Variants in DPP4 observed in about 807,000 individuals in gnomAD.
The protein encoded by DPP4 is dipeptidyl peptidase 4.
In DPP4, 93 loss-of-function variants were observed where a neutral mutation model predicts 122.4. That is an observed-to-expected ratio of 0.76 (90% confidence interval 0.64 to 0.90). The LOEUF (loss-of-function observed/expected upper bound fraction) is 0.90, where lower values mean the gene tolerates loss of function less well. Among genes scored for constraint, DPP4 ranks in the 40% least tolerant of loss-of-function variants. DPP4 has a pLI of 0.00. For synonymous variants in DPP4, 321 were observed against 302.9 expected (o/e 1.06, Z -0.62); for missense variants, 914 against 907.3 (o/e 1.01, Z -0.09).
At position 161,993,068 on chromosome 2, in the gene DPP4, G is replaced by A. The variant is rs1332504851; in HGVS notation, c.*215C>T. 1.8e-5 allele frequency: 8 copies of A among 434,134 alleles called. No individual in the cohort carries two copies. Among genetic ancestry groups the A allele is most frequent in the Admixed American group, 1.4e-4 (4 of 28,304 alleles). The allele number at this position is 434,134 out of a possible 1,614,324, so 26.9% of individuals were successfully genotyped here. On this transcript the variant is annotated 3_prime_UTR_variant, in exon 26 of 26. Coordinates refer to ENST00000360534, the MANE Select transcript of DPP4 (RefSeq NM_001935.4). ...TGATTTTAAACAATAAAACCCGACC[G>A]GATAATTCAAACTTCTGTAAGGTAA...
chr2:162,020,317 T>TAAA, intron 13 of DPP4, 21 bp from the exon 14 acceptor site: 1 of 1,374,572 alleles, frequency 7.3e-7, no homozygotes, highest in South Asian at 1.3e-5. Flanking sequence ...TTTTTTTTTT[T>TAAA]CAAAAAAAAA....
chr2:162,015,007 G>A (rs1273492340), intron 18 of DPP4, among the ~76,000 whole-genome samples: 1 of 152,132 alleles, frequency 6.6e-6, no homozygotes, highest in Non-Finnish European at 1.5e-5. Context: ...TTTATATGGA[G>A]CAAACTGTTG....
rs1310953418 is a variant in DPP4 at position 161,993,138 on chromosome 2, T to C, written c.*145A>G. On this transcript the variant is annotated 3_prime_UTR_variant, in exon 26 of 26. Transcript: ENST00000360534. ...AAGTCCCTACTTAAGATGATAGGTA[T>C]GAAATTTGGGAACAAAGGTAACCTT... The C allele has an allele frequency of 1.6e-6, 1 of 620,958 alleles. No homozygotes were observed. The highest frequency in any genetic ancestry group is 2.8e-6 in the Non-Finnish European group (1 of 352,590). 38.5% of individuals were successfully genotyped at this position (620,958 alleles called of 1,614,324 possible). A position where few individuals can be genotyped will look rare whatever the true frequency, so the allele number is the denominator to read the frequency against.
intron 8 of DPP4, among the ~76,000 whole-genome samples, chr2:162,037,314 C>T (rs968960613): frequency 1.3e-5 from 2 of 152,188 alleles, no homozygotes; most frequent in Non-Finnish European, 2.9e-5. Flanking sequence ...TGTCAAGGAT[C>T]CTGGAGGCTG....
intron 15 of DPP4, 57 bp downstream of exon 15, chr2:162,019,164 GTT>G: frequency 7.0e-7 from 1 of 1,431,200 alleles, no homozygotes. Flanking sequence ...TAAAAATAGA[GTT>G]CAGAAATTGT....
At chr2:162,002,791 T>G (rs550204516) in intron 23 of DPP4, among the ~76,000 whole-genome samples, 1 of 152,172 alleles carries the variant, frequency 6.6e-6, no homozygotes, top group East Asian at 1.9e-4. Context: ...AATCTTTGAA[T>G]GTATTCCTGC....
At chr2:162,010,211 G>C (rs969872814) in intron 20 of DPP4, among the ~76,000 whole-genome samples, 4 of 152,200 alleles carry the variant, frequency 2.6e-5, no homozygotes, top group Admixed American at 1.3e-4. Context: ...ATGTGCAACA[G>C]ATCATTCATG....
chr2:162,007,145 TA>T (rs1701302010), intron 22 of DPP4, among the ~76,000 whole-genome samples: 1 of 152,040 alleles, frequency 6.6e-6, no homozygotes, highest in African/African-American at 2.4e-5. Context: ...GACACTAATA[TA>T]AAAATAGAAT....
chr2:162,024,194 G>A (rs1479464242), intron 11 of DPP4, among the ~76,000 whole-genome samples: 1 of 152,234 alleles, frequency 6.6e-6, no homozygotes, highest in East Asian at 1.9e-4. Flanking sequence ...CCAGGCTGCA[G>A]GCTCCCAGAG....
intron 19 of DPP4, among the ~76,000 whole-genome samples, chr2:162,013,307 T>C (rs1682777914): frequency 6.6e-6 from 1 of 152,152 alleles, no homozygotes; most frequent in South Asian, 2.1e-4. Flanking sequence ...TTTTTTAGCA[T>C]TGGAGCCGAA....
chr2:162,051,920 A>G (rs1439329511), intron 2 of DPP4, among the ~76,000 whole-genome samples: 1 of 152,190 alleles, frequency 6.6e-6, no homozygotes, highest in Non-Finnish European at 1.5e-5. Flanking sequence ...CTTTGCTATG[A>G]TTTGAAAGAT....
rs146559029 is a variant in DPP4, at chr2:162,062,986, G to GAA, written c.94+10411_94+10412dup. On this transcript the variant is annotated intron_variant, in intron 2 of 25. Transcript: ENST00000360534. ...TTGAGAATACACCATAGGGAAGTAA[G>GAA]AAAAAAAAAAAGAGAGATGTTGGCA... 4.9e-5 allele frequency among the ~76,000 whole-genome samples: 7 copies of GAA among 143,408 alleles called. No homozygotes were observed. The East Asian group carries it at 6.1e-4, about 12-fold the overall frequency. The allele number at this position is 143,408 out of a possible 152,430, so 94.1% of individuals were successfully genotyped here. A position where few individuals can be genotyped will look rare whatever the true frequency, so the allele number is the denominator to read the frequency against.
intron 22 of DPP4, 77 bp from the exon 23 acceptor site, chr2:162,005,886 G>GT: frequency 9.0e-7 from 1 of 1,108,730 alleles, no homozygotes; most frequent in Non-Finnish European, 1.3e-6. Flanking sequence ...GGCCACTTCA[G>GT]TGTTTCCATA....
chr2:162,070,532 TTTCC>T (rs1010453790), intron 2 of DPP4, among the ~76,000 whole-genome samples: 2 of 152,108 alleles, frequency 1.3e-5, no homozygotes, highest in African/African-American at 4.8e-5. Flanking sequence ...ATCAAATTCC[TTTCC>T]TTCCTTCCTT....
intron 2 of DPP4, among the ~76,000 whole-genome samples, chr2:162,060,675 C>T (rs1337636173): frequency 1.3e-5 from 2 of 152,166 alleles, no homozygotes; most frequent in Admixed American, 6.5e-5. Flanking sequence ...TTATTTTCTA[C>T]CAAGCTCATC....
intron 3 of DPP4, 90 bp downstream of exon 3, chr2:162,047,313 T>C: frequency 1.4e-6 from 1 of 701,532 alleles, no homozygotes; most frequent in South Asian, 2.9e-5. Context: ...AAACAAGGAT[T>C]ACCTCTTCTC....
chr2:162,025,097 C>T (rs192987043), intron 10 of DPP4, among the ~76,000 whole-genome samples, 158 bp from the exon 11 acceptor site: 1 of 152,172 alleles, frequency 6.6e-6, no homozygotes, highest in Admixed American at 6.5e-5. Flanking sequence ...TAATATTTCA[C>T]CTTTTCTTAA....
intron 7 of DPP4, among the ~76,000 whole-genome samples, 153 bp from the exon 8 acceptor site, chr2:162,038,575 T>C (rs991610114): frequency 2.6e-5 from 4 of 152,122 alleles, no homozygotes; most frequent in Admixed American, 2.6e-4. Context: ...TCCCTCTCAT[T>C]CTTAAATTAC....
chr2:162,043,571 G>A (rs1205779591), intron 5 of DPP4, among the ~76,000 whole-genome samples: 2 of 152,188 alleles, frequency 1.3e-5, no homozygotes, highest in Non-Finnish European at 2.9e-5. Flanking sequence ...ACGCATTCGT[G>A]CACATCAAAT....
Sources: allele counts gnomAD v4.1 joint callset (sites outside exome capture counted in the v4.1 genomes callset), GRCh38; gene constraint gnomAD v4.1.1; transcripts MANE v1.5; gene names NCBI Gene and HGNC (gene_info 2026-07-23, HGNC 2026-07-21).